Variants in ADGRF5 observed in about 807,000 individuals in gnomAD.
The protein encoded by ADGRF5 is G-protein coupled receptor 116.
ADGRF5 carries 75 observed loss-of-function variants against 132.3 expected under a neutral mutation model. The ratio of observed to expected loss-of-function variants is 0.57; its 90% confidence interval spans 0.47 to 0.69. The LOEUF (loss-of-function observed/expected upper bound fraction) is 0.69, where lower values mean the gene tolerates loss of function less well. Ranked by LOEUF, ADGRF5 falls within the 30% of genes least tolerant of loss-of-function variation. The probability of loss-of-function intolerance (pLI) is 0.00; values close to 1 mark genes in which losing one functional copy is unlikely to be tolerated. For synonymous variants in ADGRF5, 629 were observed against 597.6 expected (o/e 1.05, Z -0.77); for missense variants, 1,516 against 1,630.6 (o/e 0.93, Z 1.21).
At chr6:46,923,965 G>C (rs536298013), upstream of ADGRF5, among the ~76,000 whole-genome samples, 3 of 152,152 alleles carry the variant, frequency 2.0e-5, no homozygotes. Flanking sequence ...CAAACGTAGA[G>C]AGAATAATTT....
chr6:46,872,960 C>G (rs1276090474), intron 10 of ADGRF5, among the ~76,000 whole-genome samples: 1 of 152,168 alleles, frequency 6.6e-6, no homozygotes, highest in Non-Finnish European at 1.5e-5. Flanking sequence ...TCCCTAGACC[C>G]CAGAAAGGTT....
intron 1 of ADGRF5, chr6:46,907,775 A>T (rs1775545318): frequency 6.6e-6 from 1 of 152,122 alleles, no homozygotes; most frequent in Non-Finnish European, 1.5e-5. Context: ...CTAGAAACTA[A>T]CTGTGTCCTG....
chr6:46,906,192 C>T (rs1451111485), intron 2 of ADGRF5, among the ~76,000 whole-genome samples: 1 of 152,234 alleles, frequency 6.6e-6, no homozygotes, highest in African/African-American at 2.4e-5. Flanking sequence ...TCAGCTATAT[C>T]AGTCTGTGAC....
intron 1 of ADGRF5, among the ~76,000 whole-genome samples, chr6:46,949,254 A>G (rs1014157937): frequency 3.9e-5 from 6 of 152,218 alleles, no homozygotes; most frequent in African/African-American, 1.4e-4. Flanking sequence ...GATTGAAGAA[A>G]GCAAAGGCAT....
chr6:46,926,824 G>A (rs977151040), upstream of ADGRF5, among the ~76,000 whole-genome samples: 5 of 152,116 alleles, frequency 3.3e-5, no homozygotes, highest in African/African-American at 1.2e-4. Context: ...ATTCCTTCTT[G>A]TCTTGGCCTA....
Position 46,879,938 on chromosome 6 carries a change from A to T in ADGRF5, c.916T>A (p.Tyr306Asn), listed in dbSNP as rs1239377357. 6.2e-7 allele frequency: 1 copy of T among 1,614,036 alleles called. No homozygotes were observed. Among genetic ancestry groups the T allele is most frequent in the Admixed American group, 1.7e-5 (1 of 60,018 alleles). The change falls in exon 9 of 21, where the codon TAT becomes AAT. Residue 306 changes from tyrosine (Y) to asparagine (N), a missense_variant. By Grantham distance (143) the Tyr-to-Asn change is moderately radical. Coordinates refer to ENST00000283296, the MANE Select transcript of ADGRF5 (RefSeq NM_001098518.2). ...EVLSSNVSWR[Y>N]EEQQLEIQNS... ...TGGATTTCCAACTGCTGTTCTTCAT[A>T]GCGCCAAGACACATTGGAGGACAAA...
intron 12 of ADGRF5, among the ~76,000 whole-genome samples, chr6:46,867,344 AAAT>A (rs1770566511): frequency 6.6e-6 from 1 of 152,226 alleles, no homozygotes; most frequent in African/African-American, 2.4e-5. Context: ...ATGACCACGT[AAAT>A]ATGCACTTAC....
At chr6:46,952,235 G>A (rs919957144) in intron 1 of ADGRF5, among the ~76,000 whole-genome samples, 3 of 152,190 alleles carry the variant, frequency 2.0e-5, no homozygotes, top group African/African-American at 7.2e-5. Flanking sequence ...TTACTTGGAT[G>A]TGCCAGCATT....
rs1270654145 is a variant in ADGRF5 at position 46,921,923 on chromosome 6, C to T, written c.-235G>A. The T allele has an allele frequency of 6.6e-6, 1 of 152,278 alleles. No individual in the cohort carries two copies. Among genetic ancestry groups the T allele is most frequent in the Admixed American group, 6.5e-5 (1 of 15,280 alleles). The allele number at this position is 152,278 out of a possible 1,614,324, so 9.4% of individuals were successfully genotyped here. On this transcript the variant is annotated 5_prime_UTR_variant, in exon 1 of 21. Transcript: ENST00000283296. ...TCAGCCTCCCCCAGCTATGATCCTCCCAGTCTCACAGAGTCATCCCTGAGA... is the reference window on the plus strand; with the variant it reads ...TCAGCCTCCCCCAGCTATGATCCTCTCAGTCTCACAGAGTCATCCCTGAGA...
chr6:46,872,942 A>G (rs1045678050), intron 10 of ADGRF5, among the ~76,000 whole-genome samples: 5 of 152,196 alleles, frequency 3.3e-5, no homozygotes, highest in Non-Finnish European at 5.9e-5. Context: ...ACATGTAACT[A>G]GCTTTTCTCC....
At chr6:46,949,358 TCTGGGGCTGC>T (rs1199548838) in intron 1 of ADGRF5, among the ~76,000 whole-genome samples, 6 of 152,168 alleles carry the variant, frequency 3.9e-5, no homozygotes, top group Non-Finnish European at 8.8e-5. Flanking sequence ...AACAGAAAGC[TCTGGGGCTGC>T]CTGGAGTGGT....
intron 3 of ADGRF5, among the ~76,000 whole-genome samples, chr6:46,897,732 G>A (rs1009844994): frequency 5.9e-5 from 9 of 152,166 alleles, no homozygotes; most frequent in Admixed American, 1.3e-4. Context: ...TTTTAGTAGA[G>A]ACGGAGTTTC....
intron 2 of ADGRF5, among the ~76,000 whole-genome samples, 172 bp downstream of exon 2, chr6:46,906,489 A>G (rs111833861): frequency 6.0e-4 from 91 of 152,262 alleles, no homozygotes; most frequent in Middle Eastern, 3.4e-3. Flanking sequence ...CTGAGTTTAC[A>G]TTCACCCCTT....
Position 46,878,325 on chromosome 6 carries a change from A to G in ADGRF5, c.1117T>C (p.Leu373=). The G allele has an allele frequency of 6.2e-7, 1 of 1,613,352 alleles. No individual in the cohort carries two copies. Among genetic ancestry groups the G allele is most frequent in the Non-Finnish European group, 8.5e-7 (1 of 1,179,342 alleles). ...ATCACCTTCATTTCTTCATTTGCCA[A>G]AATTTGGATGGGCATAACATCTATT... is the stretch of plus-strand genomic sequence containing the variant. The part of the protein sequence containing the change: ...KKIDVMPIQI[L]ANEEMKVMCD... The change falls in exon 10 of 21, where the codon TTG becomes CTG. Residue 373 remains leucine, a synonymous_variant. Coordinates refer to ENST00000283296, the MANE Select transcript of ADGRF5 (RefSeq NM_001098518.2).
At chr6:46,872,296 G>A (rs1771162085) in intron 10 of ADGRF5, among the ~76,000 whole-genome samples, 2 of 151,888 alleles carry the variant, frequency 1.3e-5, no homozygotes, top group Non-Finnish European at 1.5e-5. Flanking sequence ...ATTAATAATT[G>A]CAGTTACTTC....
chr6:46,888,876 T>C (rs557438253), intron 3 of ADGRF5, among the ~76,000 whole-genome samples: 54 of 152,132 alleles, frequency 3.5e-4, no homozygotes, highest in Non-Finnish European at 6.6e-4. Flanking sequence ...GGCTGAACCA[T>C]GCATGGATTG....
intron 7 of ADGRF5, 44 bp downstream of exon 7, chr6:46,882,005 A>C (rs756812511): frequency 7.3e-7 from 1 of 1,369,474 alleles, no homozygotes; most frequent in South Asian, 1.2e-5. Flanking sequence ...TACCATATGG[A>C]TCCCAGCCAT....
intron 15 of ADGRF5, 66 bp downstream of exon 15, chr6:46,862,822 T>A (rs1769943345): frequency 9.8e-7 from 1 of 1,024,638 alleles, no homozygotes; most frequent in African/African-American, 1.6e-5. Flanking sequence ...TCCTAAGTGC[T>A]GAGAAATATG....
intron 7 of ADGRF5, 46 bp from the exon 8 acceptor site, chr6:46,881,643 A>C (rs140926237): frequency 6.4e-7 from 1 of 1,567,936 alleles, no homozygotes; most frequent in South Asian, 1.1e-5. Context: ...CTGACCTGGA[A>C]GAGTCTAGAT....
Sources: allele counts gnomAD v4.1 joint callset (sites outside exome capture counted in the v4.1 genomes callset), GRCh38; gene constraint gnomAD v4.1.1; transcripts MANE v1.5; gene names NCBI Gene and HGNC (gene_info 2026-07-23, HGNC 2026-07-21).